Variants in FADS2 observed in about 807,000 individuals in gnomAD.
The protein encoded by FADS2 is acyl-CoA 6-desaturase.
In FADS2, 18 loss-of-function variants were observed where a neutral mutation model predicts 61.2. The ratio of observed to expected loss-of-function variants is 0.29; its 90% CI spans 0.20 to 0.44. The LOEUF (loss-of-function observed/expected upper bound fraction) is 0.44. Among genes scored for constraint, FADS2 ranks in the 20% least tolerant of loss-of-function variants. FADS2 has a pLI of 1.00. For missense variants in FADS2, 322 were observed against 572.7 expected, an observed-to-expected ratio of 0.56 and a Z score of 4.47; for synonymous variants, 203 against 223.9, an observed-to-expected ratio of 0.91 and a Z score of 0.83.
chr11:61,862,104 C>T (rs11230813), intron 7 of FADS2: 5,571 of 152,556 alleles, frequency 0.037, 164 homozygotes, highest in Non-Finnish European at 0.052. Flanking sequence ...ACAGGCCATG[C>T]AGAGGCCCCG....
At chr11:61,863,883 T>C (rs2067438816) in intron 10 of FADS2, 97 bp downstream of exon 10, 1 of 1,000,602 alleles carries the variant, frequency 1.0e-6, no homozygotes, top group Non-Finnish European at 1.6e-6. Context: ...GGCCACCTCT[T>C]TGTCTCTCTG....
At chr11:61,840,298 G>A in intron 2 of FADS2, 36 bp from the exon 3 acceptor site, 2 of 1,565,644 alleles carry the variant, frequency 1.3e-6, no homozygotes, top group Non-Finnish European at 1.8e-6. Flanking sequence ...AGAGTGGCTG[G>A]TGGCTGACTC....
chr11:61,844,408 T>C (rs2067239076), intron 4 of FADS2, among the ~76,000 whole-genome samples: 2 of 151,208 alleles, frequency 1.3e-5, no homozygotes, highest in African/African-American at 4.9e-5. Context: ...CTGTCTCTAC[T>C]AAAAAAACAA....
At chr11:61,834,372 C>G (rs2135957016) in intron 1 of FADS2, among the ~76,000 whole-genome samples, 1 of 152,358 alleles carries the variant, frequency 6.6e-6, no homozygotes, top group East Asian at 1.9e-4. Context: ...GAGCCCAGGA[C>G]TTTGCTTCCT....
In FADS2 at chr11:61,828,723, A is replaced by C. The variant is rs2067103089; in HGVS notation, c.207+126A>C. On this transcript the variant is annotated intron_variant, in intron 1 of 11. Coordinates refer to ENST00000278840, the MANE Select transcript of FADS2 (RefSeq NM_004265.4). The surrounding 1 kb of genome is among the most constrained non-coding windows in gnomAD (Gnocchi z 6.4). ...CTTGGGACGTCCTGTAGGGAAGGAA[A>C]GTGCATCTATTGCACTCGTACCCCC... 8 of 800,396 alleles carry C rather than the reference A, an allele frequency of 1.0e-5. No individual in the cohort carries two copies. The South Asian group carries it at 1.4e-4, about 14-fold the overall frequency. 49.6% of individuals were successfully genotyped at this position (800,396 alleles called of 1,614,324 possible). A position where few individuals can be genotyped will look rare whatever the true frequency, so the allele number is the denominator to read the frequency against.
chr11:61,840,306 C>G, intron 2 of FADS2, 28 bp from the exon 3 acceptor site: 1 of 1,598,122 alleles, frequency 6.3e-7, no homozygotes, highest in Non-Finnish European at 8.6e-7. Flanking sequence ...TGGTGGCTGA[C>G]TCCTTTCCCT....
intron 1 of FADS2, among the ~76,000 whole-genome samples, chr11:61,833,161 G>A (rs1436193802): frequency 2.6e-5 from 4 of 152,172 alleles, no homozygotes; most frequent in South Asian, 2.1e-4. Context: ...CTGCCCTGCC[G>A]AGGCGGGTGC....
chr11:61,836,303 G>A (rs1025843501), intron 1 of FADS2, among the ~76,000 whole-genome samples: 1 of 152,144 alleles, frequency 6.6e-6, no homozygotes, highest in Non-Finnish European at 1.5e-5. Flanking sequence ...TCACCATGTT[G>A]CCCAGGCCGA....
chr11:61,862,852 A>T, intron 7 of FADS2, 120 bp from the exon 8 acceptor site: 1 of 770,708 alleles, frequency 1.3e-6, no homozygotes, highest in Non-Finnish European at 2.3e-6. Flanking sequence ...ATTGCATTTC[A>T]GTGGGCTGCG....
rs1392141266 is a variant in FADS2, at chr11:61,863,333, C to T, written c.1032C>T (p.Val344=). The change falls in exon 9 of 12, where the codon GTC becomes GTT. Residue 344 remains valine, a synonymous_variant. Transcript: ENST00000278840. The part of the protein sequence containing the change: ...FVWVTQMNHI[V]MEIDQEAYRD... ...GGGTCACACAGATGAATCACATCGT[C>T]ATGGAGATTGACCAGGAGGCCTACC... The T allele has an allele frequency of 3.7e-6, 6 of 1,614,004 alleles. No individual in the cohort carries two copies. In the Admixed American group the frequency reaches 6.7e-5, roughly 18 times the overall value.
chr11:61,824,451 G>A (rs373932179), upstream of FADS2, among the ~76,000 whole-genome samples: 1,112 of 5,392 alleles, frequency 0.21, 191 homozygotes, highest in East Asian at 0.57. Context: ...AGGGAGGGAG[G>A]GAGGGAGGGA....
chr11:61,854,599 A>C (rs1361243513), intron 5 of FADS2: 2 of 152,168 alleles, frequency 1.3e-5, no homozygotes, highest in Non-Finnish European at 2.9e-5. Context: ...GCTACATTCT[A>C]AAATACCTCT....
chr11:61,826,974 T>A (rs993615470), upstream of FADS2, among the ~76,000 whole-genome samples: 25 of 152,230 alleles, frequency 1.6e-4, no homozygotes, highest in Non-Finnish European at 3.1e-4. Context: ...ATCTAATGAT[T>A]AGGGTGTGCT....
Position 61,828,570 on chromosome 11 carries a change from C to A in FADS2, c.180C>A (p.Ile60=). The change falls in exon 1 of 12, where the codon ATC becomes ATA. Residue 60 remains isoleucine (I), a synonymous_variant. Coordinates refer to ENST00000278840, the MANE Select transcript of FADS2 (RefSeq NM_004265.4). The surrounding 1 kb of genome is among the most constrained non-coding windows in gnomAD (Gnocchi z 6.4). ...AGCACCCGGGGGGCCAGCGGGTCATCGGGCACTACGCTGGAGAAGATGCAA... is the reference window on the plus strand; with the variant it reads ...AGCACCCGGGGGGCCAGCGGGTCATAGGGCACTACGCTGGAGAAGATGCAA... The part of the protein sequence containing the change: ...SIQHPGGQRV[I]GHYAGEDATD... 1 of 1,613,874 alleles carries A rather than the reference C, an allele frequency of 6.2e-7. No homozygotes were observed.
chr11:61,865,453 C>G lies in FADS2; in HGVS notation c.1283+176C>G, dbSNP rs923534858. ...CTCCCTGGGCTGCGAGAAGACCATC[C>G]CTTTCTGTGTGGGGTTCCTGGTGGG... On this transcript the variant is annotated intron_variant, in intron 11 of 11. Coordinates refer to ENST00000278840, the MANE Select transcript of FADS2 (RefSeq NM_004265.4). The surrounding 1 kb of genome is among the most constrained non-coding windows in gnomAD (Gnocchi z 4.1). 5 of 963,818 alleles carry G rather than the reference C, an allele frequency of 5.2e-6. No homozygotes were observed. The highest frequency in any genetic ancestry group is 1.6e-5 in the African/African-American group (1 of 60,986). 59.7% of individuals were successfully genotyped at this position (963,818 alleles called of 1,614,324 possible). A position where few individuals can be genotyped will look rare whatever the true frequency, so the allele number is the denominator to read the frequency against.
chr11:61,835,535 G>A (rs1591167453), intron 1 of FADS2, among the ~76,000 whole-genome samples: 8 of 151,468 alleles, frequency 5.3e-5, no homozygotes, highest in Admixed American at 5.3e-4. Flanking sequence ...CTGGGATTAC[G>A]GGCGTGTGCC....
At chr11:61,827,984 T>C, upstream of FADS2, 2 of 1,026,908 alleles carry the variant, frequency 1.9e-6, no homozygotes, top group Non-Finnish European at 2.4e-6. This position sits in a 1 kb window ranked among gnomAD's most constrained non-coding sequence, Gnocchi z 4.5. Context: ...GTGCAGGCGC[T>C]CTGCTGATCG....
At chr11:61,864,709 T>C (rs1025447024) in intron 10 of FADS2, among the ~76,000 whole-genome samples, 5 of 152,036 alleles carry the variant, frequency 3.3e-5, no homozygotes, top group African/African-American at 1.2e-4. Context: ...TTTTTATTTT[T>C]ATTTTTTGTA....
chr11:61,837,889 G>A lies in FADS2; in HGVS notation c.318+1G>A, dbSNP rs771484619. ...GCCCAGCCAGGACCACGGCAAGAAC[G>A]TAAGTCTGGCTTGCAACCTGGGTGG... is the stretch of plus-strand genomic sequence containing the variant. On this transcript the variant is annotated splice_donor_variant, in intron 2 of 11. Transcript: ENST00000278840. LOFTEE classifies it high-confidence loss of function. The A allele has an allele frequency of 1.2e-6, 2 of 1,609,908 alleles. No homozygotes were observed. The highest frequency in any genetic ancestry group is 1.7e-6 in the Non-Finnish European group (2 of 1,177,160).
Sources: gnomAD v4.1 joint callset for allele counts (sites outside exome capture counted in the v4.1 genomes callset) on GRCh38, gnomAD v4.1.1 for gene constraint, Gnocchi (gnomAD v3.1) non-coding constraint, MANE v1.5 for transcripts, NCBI Gene and HGNC (gene_info 2026-07-23, HGNC 2026-07-21) for gene names.